Variants in MARCHF1 observed in about 807,000 individuals in gnomAD.
MARCHF1 encodes the protein E3 ubiquitin-protein ligase MARCHF1.
In MARCHF1, 40 loss-of-function variants were observed where a neutral mutation model predicts 54.2. The ratio of observed to expected loss-of-function variants is 0.74; its 90% confidence interval spans 0.57 to 0.96. The LOEUF is 0.96. MARCHF1 is among the 40% of genes least tolerant of loss of function. MARCHF1 has a pLI of 0.00. For synonymous variants in MARCHF1, 236 were observed against 236.3 expected (o/e 1.00, Z 0.01); for missense variants, 586 against 656.5 (o/e 0.89, Z 1.17).
intron 1 of MARCHF1, among the ~76,000 whole-genome samples, chr4:164,152,176 G>A (rs1729960698): frequency 6.6e-6 from 1 of 152,246 alleles, no homozygotes; most frequent in South Asian, 2.1e-4. Flanking sequence ...ATAAAGGATT[G>A]TGATTTCAGG....
intron 3 of MARCHF1, among the ~76,000 whole-genome samples, chr4:163,944,010 C>T (rs773370342): frequency 6.6e-6 from 1 of 152,020 alleles, no homozygotes; most frequent in African/African-American, 2.4e-5. Flanking sequence ...CTCTATCACC[C>T]AGGCTGGAGT....
At chr4:164,365,213 G>A (rs548567815) in intron 1 of MARCHF1, among the ~76,000 whole-genome samples, 1 of 151,890 alleles carries the variant, frequency 6.6e-6, no homozygotes, top group Non-Finnish European at 1.5e-5. Context: ...ACTTACATGA[G>A]AAATATCTAT....
At chr4:164,362,400 T>G (rs1730746688) in intron 1 of MARCHF1, among the ~76,000 whole-genome samples, 1 of 152,100 alleles carries the variant, frequency 6.6e-6, no homozygotes, top group South Asian at 2.1e-4. Context: ...AGTGAAAATG[T>G]CTGGGAGACA....
chr4:164,107,134 ACTCT>A (rs1430525388), intron 2 of MARCHF1, among the ~76,000 whole-genome samples: 3 of 152,024 alleles, frequency 2.0e-5, no homozygotes, highest in Non-Finnish European at 4.4e-5. Context: ...AAATGCTATA[ACTCT>A]CTCCAACACG....
chr4:163,945,592 A>T (rs1343547670), intron 3 of MARCHF1, among the ~76,000 whole-genome samples: 1 of 152,226 alleles, frequency 6.6e-6, no homozygotes, highest in Admixed American at 6.5e-5. Flanking sequence ...CAGGAGTTAC[A>T]TAATTCATTA....
intron 1 of MARCHF1, among the ~76,000 whole-genome samples, chr4:164,263,236 CACTT>C (rs1733518313): frequency 6.6e-6 from 1 of 152,046 alleles, no homozygotes; most frequent in African/African-American, 2.4e-5. Context: ...AAAAGACACA[CACTT>C]AGAAAAACAC....
intron 5 of MARCHF1, among the ~76,000 whole-genome samples, chr4:163,680,344 A>G (rs1041059603): frequency 2.6e-5 from 4 of 152,220 alleles, no homozygotes; most frequent in African/African-American, 9.6e-5. Flanking sequence ...CCACAGTCCA[A>G]TTTGGATCCC....
At chr4:163,732,049 A>T (rs770043501) in intron 4 of MARCHF1, among the ~76,000 whole-genome samples, 17 of 152,314 alleles carry the variant, frequency 1.1e-4, no homozygotes, top group South Asian at 2.1e-4. Context: ...ATTACTAGGT[A>T]TGCAAAGAAG....
In MARCHF1 at chr4:164,154,517, AC is replaced by A. The variant is rs577672275; in HGVS notation, c.-322-42856del. On this transcript the variant is annotated intron_variant, in intron 1 of 9. Transcript: ENST00000514618. ...CATTGTGAAACAGGAGAGTTCCCTG[AC>A]CCCCACTTGCAGAACATGCAACAGG... Among the ~76,000 whole-genome samples, 46 of 152,230 alleles carry A rather than the reference AC, an allele frequency of 3.0e-4. No individual in the cohort carries two copies. In the East Asian group the frequency reaches 8.7e-3, roughly 29 times the overall value.
chr4:163,560,858 T>A (rs985801142), intron 8 of MARCHF1, among the ~76,000 whole-genome samples: 1 of 152,194 alleles, frequency 6.6e-6, no homozygotes, highest in Non-Finnish European at 1.5e-5. Flanking sequence ...GGTTTTTATA[T>A]ATTGAGCTTA....
intron 1 of MARCHF1, among the ~76,000 whole-genome samples, chr4:164,335,720 G>A (rs4502638): frequency 0.41 from 62,435 of 151,768 alleles, 13,664 homozygotes; most frequent in Non-Finnish European, 0.49. Flanking sequence ...TGGAGGCCCA[G>A]ATGATCATGA....
At chr4:163,858,865 C>T (rs536581795) in intron 3 of MARCHF1, among the ~76,000 whole-genome samples, 2 of 152,230 alleles carry the variant, frequency 1.3e-5, no homozygotes, top group East Asian at 3.9e-4. Flanking sequence ...CCGCTAAGGA[C>T]TTCTTGCTTG....
intron 3 of MARCHF1, among the ~76,000 whole-genome samples, chr4:163,896,194 A>T (rs1300745609): frequency 6.6e-6 from 1 of 152,146 alleles, no homozygotes; most frequent in Non-Finnish European, 1.5e-5. Flanking sequence ...ATTCAAGCTC[A>T]GGTTTATTAG....
intron 2 of MARCHF1, among the ~76,000 whole-genome samples, chr4:164,013,588 G>A (rs1425421842): frequency 1.3e-5 from 2 of 152,144 alleles, no homozygotes. Context: ...CTCAAGGCAT[G>A]TAATAAACTC....
At chr4:163,954,820 T>C (rs1034204395) in intron 3 of MARCHF1, among the ~76,000 whole-genome samples, 3 of 152,188 alleles carry the variant, frequency 2.0e-5, no homozygotes, top group Admixed American at 6.5e-5. Flanking sequence ...CAAAACCAAG[T>C]AGCCATGCTT....
At chr4:164,015,589 G>C (rs1753522760) in intron 2 of MARCHF1, among the ~76,000 whole-genome samples, 1 of 151,936 alleles carries the variant, frequency 6.6e-6, no homozygotes, top group Non-Finnish European at 1.5e-5. Context: ...AATAGATAAG[G>C]ATCTCAAACA....
At chr4:164,301,985 G>A (rs1331664477) in intron 1 of MARCHF1, among the ~76,000 whole-genome samples, 1 of 152,196 alleles carries the variant, frequency 6.6e-6, no homozygotes, top group Non-Finnish European at 1.5e-5. Flanking sequence ...AGAGGGCACT[G>A]AGGACAGGTT....
chr4:163,549,507 C>T (rs760196658), intron 8 of MARCHF1, among the ~76,000 whole-genome samples: 2 of 152,028 alleles, frequency 1.3e-5, no homozygotes, highest in Non-Finnish European at 2.9e-5. Context: ...CTCTGATCTG[C>T]CCTTCCTTAG....
At chr4:164,121,070 C>T (rs1756056143) in intron 1 of MARCHF1, among the ~76,000 whole-genome samples, 1 of 151,734 alleles carries the variant, frequency 6.6e-6, no homozygotes, top group Non-Finnish European at 1.5e-5. Flanking sequence ...AAGAAATTTA[C>T]AAACCTTTAG....
Sources: gnomAD v4.1 joint callset for allele counts (sites outside exome capture counted in the v4.1 genomes callset) on GRCh38, gnomAD v4.1.1 for gene constraint, MANE v1.5 for transcripts, NCBI Gene and HGNC (gene_info 2026-07-23, HGNC 2026-07-21) for gene names.